The following EML1 variants were observed in gnomAD, a reference collection of about 807,000 sequenced individuals.
The protein encoded by EML1 is EMAP like 1.
A neutral mutation model predicts 110.4 loss-of-function variants in EML1; 27 were observed. That is an observed-to-expected ratio of 0.24 (90% confidence interval 0.18 to 0.34). The LOEUF is 0.34. EML1 is among the 10% of genes least tolerant of loss of function. The pLI is 1.00. For synonymous variants in EML1, 344 were observed against 385.8 expected, an observed-to-expected ratio of 0.89 and a Z score of 1.27; for missense variants, 741 against 1,030.9, an observed-to-expected ratio of 0.72 and a Z score of 3.85.
intron 13 of EML1, among the ~76,000 whole-genome samples, chr14:99,912,074 T>C (rs2059956097): frequency 6.6e-6 from 1 of 151,854 alleles, no homozygotes. Flanking sequence ...TTTTGTAATT[T>C]TGTAGAGATG....
chr14:99,867,199 G>A (rs1304307297), intron 3 of EML1, among the ~76,000 whole-genome samples: 2 of 152,024 alleles, frequency 1.3e-5, no homozygotes, highest in Admixed American at 1.3e-4. Context: ...CTGTCCTTAT[G>A]GCCAATACCC....
At chr14:99,785,959 C>G (rs899844550) in intron 1 of EML1, among the ~76,000 whole-genome samples, 2 of 149,330 alleles carry the variant, frequency 1.3e-5, no homozygotes, top group Non-Finnish European at 3.0e-5. Flanking sequence ...ACCTGATGAT[C>G]AATTACAAGG....
Position 99,939,123 on chromosome 14 carries a change from G to A in EML1, c.2192-74G>A. The A allele has an allele frequency of 6.3e-7, 1 of 1,575,200 alleles. No individual in the cohort carries two copies. The highest frequency in any genetic ancestry group is 8.6e-7 in the Non-Finnish European group (1 of 1,162,302). ...GCAGTTTCATGTTCAGGACCGTTCA[G>A]TGGGCGCTTCCTGCGCCATGTGGCC... On this transcript the variant is annotated intron_variant, in intron 20 of 21. Coordinates refer to ENST00000262233, the MANE Select transcript of EML1 (RefSeq NM_004434.3). The surrounding 1 kb of genome is among the most constrained non-coding windows in gnomAD (Gnocchi z 4.2).
intron 4 of EML1, among the ~76,000 whole-genome samples, chr14:99,882,649 TAAAAAA>T (rs199622855): frequency 1.9e-3 from 238 of 127,680 alleles, no homozygotes; most frequent in Middle Eastern, 3.8e-3. Context: ...GCTGATGAGC[TAAAAAA>T]AAAAAAAAAA....
intron 1 of EML1, among the ~76,000 whole-genome samples, chr14:99,753,257 T>C (rs903900179): frequency 2.9e-5 from 4 of 136,516 alleles, no homozygotes; most frequent in Non-Finnish European, 6.3e-5. Flanking sequence ...GGGCATTTCA[T>C]CTCCACCCAG....
At chr14:99,920,906 T>C (rs769271132) in intron 17 of EML1, 29 bp downstream of exon 17, 3 of 1,451,794 alleles carry the variant, frequency 2.1e-6, no homozygotes, top group Non-Finnish European at 2.7e-6. Flanking sequence ...CACTACTTTA[T>C]TTTTTTAATC....
intron 17 of EML1, among the ~76,000 whole-genome samples, chr14:99,924,608 T>A (rs2060200331): frequency 6.6e-6 from 1 of 152,248 alleles, no homozygotes; most frequent in Non-Finnish European, 1.5e-5. Context: ...CACAGGTTAC[T>A]GAAACCACAG....
At chr14:99,921,562 A>G (rs553944196) in intron 17 of EML1, among the ~76,000 whole-genome samples, 89 of 152,312 alleles carry the variant, frequency 5.8e-4, no homozygotes, top group South Asian at 4.1e-3. Context: ...AGAATGGAAT[A>G]ATGAACCCCA....
chr14:99,926,365 A>G (rs1244273116), intron 17 of EML1, among the ~76,000 whole-genome samples: 1 of 150,916 alleles, frequency 6.6e-6, no homozygotes, highest in Non-Finnish European at 1.5e-5. Context: ...GCTCACTGTA[A>G]CCTCTGCCTC....
intron 17 of EML1, among the ~76,000 whole-genome samples, chr14:99,927,854 GGTGGTA>G (rs1301365134): frequency 2.7e-5 from 2 of 74,286 alleles, no homozygotes; most frequent in Admixed American, 1.3e-4. Flanking sequence ...TGATGGTGGT[GGTGGTA>G]GTGGTAGTAG....
At chr14:99,877,640 A>G (rs1330876895) in intron 3 of EML1, among the ~76,000 whole-genome samples, 1 of 152,150 alleles carries the variant, frequency 6.6e-6, no homozygotes, top group Admixed American at 6.5e-5. Context: ...ACCACCTCCA[A>G]ACAAAGGCAT....
intron 1 of EML1, chr14:99,850,382 A>G (rs970644061): frequency 7.8e-7 from 1 of 1,282,928 alleles, no homozygotes; most frequent in Non-Finnish European, 1.0e-6. Flanking sequence ...CCAAACTCAT[A>G]TTGCTTTATC....
At chr14:99,879,637 G>A (rs1461642519) in intron 4 of EML1, among the ~76,000 whole-genome samples, 2 of 152,174 alleles carry the variant, frequency 1.3e-5, no homozygotes, top group Non-Finnish European at 2.9e-5. Flanking sequence ...TCTATAACAG[G>A]TCAGGTCCAC....
chr14:99,912,230 T>C (rs942749891), intron 13 of EML1, among the ~76,000 whole-genome samples: 11 of 152,176 alleles, frequency 7.2e-5, no homozygotes, highest in African/African-American at 2.7e-4. Context: ...ATTATTGCAT[T>C]GAGTGAACTA....
At chr14:99,909,540 A>AT in intron 11 of EML1, 61 bp downstream of exon 11, 1 of 1,602,836 alleles carries the variant, frequency 6.2e-7, no homozygotes, top group Non-Finnish European at 8.5e-7. Context: ...GGCTAGATGC[A>AT]TCTCTCTGGG....
chr14:99,901,876 C>G (rs1186121778), intron 9 of EML1, among the ~76,000 whole-genome samples: 2 of 152,188 alleles, frequency 1.3e-5, no homozygotes, highest in East Asian at 3.8e-4. Flanking sequence ...AGGTCTCAGC[C>G]TCATTTTCCC....
intron 17 of EML1, among the ~76,000 whole-genome samples, chr14:99,921,293 A>T (rs1429088734): frequency 6.6e-6 from 1 of 152,156 alleles, no homozygotes; most frequent in Non-Finnish European, 1.5e-5. Context: ...TGGTGTATAT[A>T]TACCACATTT....
chr14:99,753,215 A>AC (rs1465288752), intron 1 of EML1, among the ~76,000 whole-genome samples: 2 of 24,048 alleles, frequency 8.3e-5, no homozygotes, highest in Non-Finnish European at 1.7e-4. Context: ...CCGCCCCCCC[A>AC]CCCCCCACTG....
Position 99,782,125 on chromosome 14 carries a change from GC to G in EML1, c.-27+8115del, listed in dbSNP as rs1566861900. On this transcript the variant is annotated intron_variant, in intron 1 of 22. Transcript: ENST00000327921. ...CAGCTTGCATGCTTGGGTAGAATCTGCCCTTTCCCCTCTCCTTCCTTCCCCA... is the reference window on the plus strand; with the variant it reads ...CAGCTTGCATGCTTGGGTAGAATCTGCCTTTCCCCTCTCCTTCCTTCCCCA... Among the ~76,000 whole-genome samples the G allele has an allele frequency of 3.9e-5, 6 of 152,198 alleles. No individual in the cohort carries two copies. The South Asian group carries it at 1.2e-3, about 32-fold the overall frequency.
Sources: gnomAD v4.1 joint callset for allele counts (sites outside exome capture counted in the v4.1 genomes callset) on GRCh38, gnomAD v4.1.1 for gene constraint, Gnocchi (gnomAD v3.1) non-coding constraint, MANE v1.5 for transcripts, NCBI Gene and HGNC (gene_info 2026-07-23, HGNC 2026-07-21) for gene names.